SOX5: variants seen among roughly 807,000 people sequenced by gnomAD.
The protein encoded by SOX5 is SRY-box transcription factor 5, also known as transcription factor SOX-5.
In SOX5, 9 loss-of-function variants were observed where a neutral mutation model predicts 92.0. That is an observed-to-expected ratio of 0.10 (90% CI 0.06 to 0.17). SOX5 has a LOEUF of 0.17. Among genes scored for constraint, SOX5 ranks in the 10% least tolerant of loss-of-function variants. The pLI is 1.00. For missense variants in SOX5, 642 were observed against 944.5 expected, an observed-to-expected ratio of 0.68 and a Z score of 4.20; for synonymous variants, 344 against 336.3, an observed-to-expected ratio of 1.02 and a Z score of -0.25.
intron 2 of SOX5, among the ~76,000 whole-genome samples, chr12:23,861,821 A>G (rs2096759929): frequency 1.3e-5 from 2 of 152,124 alleles, no homozygotes; most frequent in South Asian, 2.1e-4. Flanking sequence ...GCTCCTTACA[A>G]AAGTCCTTTG....
intron 7 of SOX5, among the ~76,000 whole-genome samples, chr12:23,664,322 C>CATATATATATATATATATATAT (rs34331621): frequency 2.0e-5 from 3 of 149,996 alleles, no homozygotes; most frequent in African/African-American, 7.3e-5. Context: ...AATTCATTAA[C>CATATATATATATATATATATAT]ATATATATAT....
At chr12:24,235,296 A>G (rs1203645726) in intron 3 of SOX5, among the ~76,000 whole-genome samples, 1 of 152,230 alleles carries the variant, frequency 6.6e-6, no homozygotes, top group Admixed American at 6.5e-5. Context: ...AATATTTTCT[A>G]AGCTTACTTT....
rs530915122 is a variant in SOX5 at position 24,474,278 on chromosome 12, A to T, written c.-251+88051T>A. On this transcript the variant is annotated intron_variant, in intron 1 of 4. Coordinates refer to the SOX5 transcript ENST00000446891. ...TCTTGGTTTAAAAGGTTTCTCAGAC[A>T]AAACCCCTTCTAGAATGACTTATCT... Among the ~76,000 whole-genome samples the T allele has an allele frequency of 1.9e-3, 293 of 152,350 alleles. 1 individual carries two copies. The highest frequency in any genetic ancestry group is 6.5e-3 in the African/African-American group (272 of 41,588).
intron 3 of SOX5, among the ~76,000 whole-genome samples, chr12:23,801,531 A>G (rs890664706): frequency 1.3e-5 from 2 of 152,190 alleles, no homozygotes; most frequent in Non-Finnish European, 2.9e-5. Flanking sequence ...TTTTACGTAC[A>G]TTTTGTGAGT....
chr12:24,124,730 G>T (rs1018017394), intron 4 of SOX5, among the ~76,000 whole-genome samples: 4 of 152,030 alleles, frequency 2.6e-5, no homozygotes, highest in Admixed American at 2.6e-4. Context: ...TGGACTAATT[G>T]GAATAAAATA....
chr12:24,538,702 G>GT (rs928023187), intron 1 of SOX5, among the ~76,000 whole-genome samples: 7 of 151,588 alleles, frequency 4.6e-5, no homozygotes, highest in Non-Finnish European at 8.8e-5. Context: ...AAGAAACAAA[G>GT]TTTTCCACTC....
At chr12:24,505,851 G>GCC (rs1385951088) in intron 1 of SOX5, among the ~76,000 whole-genome samples, 1 of 138,724 alleles carries the variant, frequency 7.2e-6, no homozygotes, top group African/African-American at 2.8e-5. Flanking sequence ...GTGTGTGTGT[G>GCC]TGCGTGTGTG....
At chr12:24,487,366 A>G (rs762169721) in intron 1 of SOX5, among the ~76,000 whole-genome samples, 52 of 152,204 alleles carry the variant, frequency 3.4e-4, no homozygotes, top group Non-Finnish European at 6.0e-4. Context: ...ATGTTTCTTT[A>G]TAAGTTTTCC....
chr12:23,594,829 C>T (rs1157642300), intron 9 of SOX5, among the ~76,000 whole-genome samples: 1 of 152,094 alleles, frequency 6.6e-6, no homozygotes, highest in Non-Finnish European at 1.5e-5. Flanking sequence ...TAATCTCATT[C>T]ACATATTAGA....
chr12:24,085,164 G>C (rs1000999117), intron 4 of SOX5, among the ~76,000 whole-genome samples: 1 of 152,114 alleles, frequency 6.6e-6, no homozygotes, highest in African/African-American at 2.4e-5. Flanking sequence ...TCTTTTGCCT[G>C]ACCTTGCCCA....
chr12:24,405,965 G>C (rs539424047), intron 1 of SOX5, among the ~76,000 whole-genome samples: 1 of 151,990 alleles, frequency 6.6e-6, no homozygotes, highest in African/African-American at 2.4e-5. Context: ...CTTTAGAGAG[G>C]CTTCAGAGGA....
At chr12:24,374,088 A>G (rs1957002562) in intron 1 of SOX5, among the ~76,000 whole-genome samples, 1 of 152,200 alleles carries the variant, frequency 6.6e-6, no homozygotes, top group South Asian at 2.1e-4. Flanking sequence ...CCTAGGGAGG[A>G]AGAAGAGAGA....
At chr12:23,833,906 A>G (rs184075486) in intron 3 of SOX5, among the ~76,000 whole-genome samples, 179 of 152,130 alleles carry the variant, frequency 1.2e-3, no homozygotes, top group Non-Finnish European at 2.0e-3. Flanking sequence ...GGGGAGAGTT[A>G]GCAAGGCTAC....
intron 10 of SOX5, among the ~76,000 whole-genome samples, chr12:23,568,679 C>G (rs1272129524): frequency 6.6e-6 from 1 of 152,018 alleles, no homozygotes; most frequent in Non-Finnish European, 1.5e-5. Context: ...AATTTAAGGT[C>G]TCTCCTTTAC....
At chr12:24,545,884 G>C (rs1230759549) in intron 1 of SOX5, among the ~76,000 whole-genome samples, 5 of 152,184 alleles carry the variant, frequency 3.3e-5, no homozygotes, top group African/African-American at 9.7e-5. Flanking sequence ...TCTCTGAACA[G>C]CCATCCAGTT....
At chr12:24,493,779 G>A (rs1947330712) in intron 1 of SOX5, among the ~76,000 whole-genome samples, 1 of 151,882 alleles carries the variant, frequency 6.6e-6, no homozygotes, top group African/African-American at 2.4e-5. Flanking sequence ...CAGGAGAATG[G>A]TGTGAACCCA....
intron 3 of SOX5, among the ~76,000 whole-genome samples, chr12:24,241,223 C>T (rs1965499109): frequency 6.6e-6 from 1 of 152,044 alleles, no homozygotes; most frequent in Non-Finnish European, 1.5e-5. Context: ...CATCCAAAAC[C>T]ACAAGATTTT....
At chr12:24,322,180 G>A (rs1950263820) in intron 2 of SOX5, among the ~76,000 whole-genome samples, 1 of 151,990 alleles carries the variant, frequency 6.6e-6, no homozygotes, top group African/African-American at 2.4e-5. Context: ...GGCATTTTAG[G>A]AATCTCATTC....
At chr12:24,205,267 C>T (rs183086973) in intron 4 of SOX5, among the ~76,000 whole-genome samples, 1 of 152,148 alleles carries the variant, frequency 6.6e-6, no homozygotes, top group Non-Finnish European at 1.5e-5. Context: ...TATCCCAACT[C>T]CTAGCACAAT....
Sources: gnomAD v4.1 joint callset for allele counts (sites outside exome capture counted in the v4.1 genomes callset) on GRCh38, gnomAD v4.1.1 for gene constraint, MANE v1.5 for transcripts, NCBI Gene and HGNC (gene_info 2026-07-23, HGNC 2026-07-21) for gene names.